SPAG16: variants seen among roughly 807,000 people sequenced by gnomAD.
The protein encoded by SPAG16 is sperm-associated antigen 16 protein.
In SPAG16, 86 loss-of-function variants were observed where a neutral mutation model predicts 80.4. That is an observed-to-expected ratio of 1.07 (90% confidence interval 0.90 to 1.28). SPAG16 has a LOEUF of 1.28. Ranked by LOEUF, SPAG16 falls within the 50% of genes most tolerant of loss-of-function variation. The pLI is 0.00. For synonymous variants in SPAG16, 294 were observed against 265.9 expected (o/e 1.11, Z -1.03); for missense variants, 870 against 765.3 (o/e 1.14, Z -1.61).
chr2:214,102,368 A>C (rs2193788), intron 13 of SPAG16, among the ~76,000 whole-genome samples: 47,095 of 151,746 alleles, frequency 0.31, 7,722 homozygotes, highest in South Asian at 0.39. Flanking sequence ...CCTATTTGTC[A>C]AGTATTGGCA....
At chr2:214,101,701 GAA>G (rs1208722837) in intron 13 of SPAG16, among the ~76,000 whole-genome samples, 1 of 152,120 alleles carries the variant, frequency 6.6e-6, no homozygotes, top group African/African-American at 2.4e-5. Context: ...GGCAAAACTG[GAA>G]AAGTGTCATG....
At chr2:213,827,354 T>G (rs2073367234) in intron 10 of SPAG16, among the ~76,000 whole-genome samples, 1 of 152,110 alleles carries the variant, frequency 6.6e-6, no homozygotes. Context: ...TGTTTTTAGA[T>G]TTGAGGTTAC....
chr2:213,392,306 C>T (rs920815001), intron 9 of SPAG16, among the ~76,000 whole-genome samples: 3 of 152,162 alleles, frequency 2.0e-5, no homozygotes, highest in African/African-American at 7.2e-5. Flanking sequence ...TTCTTTGCAG[C>T]TATTATTATT....
At chr2:214,099,160 G>C (rs966546107) in intron 13 of SPAG16, among the ~76,000 whole-genome samples, 1 of 152,064 alleles carries the variant, frequency 6.6e-6, no homozygotes, top group African/African-American at 2.4e-5. Flanking sequence ...TTTATAACTA[G>C]TTCTGGTGCT....
chr2:213,511,096 TAATATA>T (rs1228742238), intron 10 of SPAG16, among the ~76,000 whole-genome samples: 2 of 152,164 alleles, frequency 1.3e-5, no homozygotes, highest in Non-Finnish European at 2.9e-5. Flanking sequence ...AGTAAAATAT[TAATATA>T]AAGTTCTTGA....
intron 9 of SPAG16, among the ~76,000 whole-genome samples, chr2:213,431,686 G>C (rs1191822683): frequency 6.6e-6 from 1 of 151,982 alleles, no homozygotes; most frequent in African/African-American, 2.4e-5. Flanking sequence ...ACACTATAAA[G>C]ATTATAGAGA....
At chr2:213,634,617 T>C (rs1362086166) in intron 10 of SPAG16, among the ~76,000 whole-genome samples, 1 of 152,144 alleles carries the variant, frequency 6.6e-6, no homozygotes, top group Non-Finnish European at 1.5e-5. Context: ...GTTTATTATT[T>C]CGATAGTTTT....
chr2:213,482,067 G>A (rs1438717639), intron 9 of SPAG16, among the ~76,000 whole-genome samples: 1 of 152,094 alleles, frequency 6.6e-6, no homozygotes, highest in Non-Finnish European at 1.5e-5. Context: ...TGAAATTTTG[G>A]TGTCTGCACA....
At chr2:213,478,268 G>T (rs1409381589) in intron 9 of SPAG16, among the ~76,000 whole-genome samples, 1 of 152,158 alleles carries the variant, frequency 6.6e-6, no homozygotes, top group African/African-American at 2.4e-5. Flanking sequence ...GTCATATAAA[G>T]ATAGAAGAAT....
intron 13 of SPAG16, among the ~76,000 whole-genome samples, chr2:214,095,255 T>C (rs1023096323): frequency 4.6e-5 from 7 of 152,084 alleles, no homozygotes; most frequent in African/African-American, 1.7e-4. Context: ...TTGTTTTTTA[T>C]CTTTTTTCCC....
At chr2:213,730,247 G>A (rs1463790255) in intron 10 of SPAG16, among the ~76,000 whole-genome samples, 1 of 152,182 alleles carries the variant, frequency 6.6e-6, no homozygotes. Context: ...CTCAGTTAAG[G>A]AAGAAACTGC....
intron 8 of SPAG16, among the ~76,000 whole-genome samples, chr2:213,367,122 CT>C (rs1433795024): frequency 1.3e-5 from 2 of 152,088 alleles, no homozygotes; most frequent in Non-Finnish European, 2.9e-5. Context: ...TGAACTCATC[CT>C]TTTTTATGGT....
chr2:214,051,209 G>A (rs1320323778), intron 13 of SPAG16, among the ~76,000 whole-genome samples: 2 of 152,202 alleles, frequency 1.3e-5, no homozygotes, highest in Non-Finnish European at 2.9e-5. Context: ...GCTAATGCTA[G>A]TGTTTTACAT....
At chr2:213,623,190 A>T (rs1209317780) in intron 10 of SPAG16, among the ~76,000 whole-genome samples, 2 of 152,226 alleles carry the variant, frequency 1.3e-5, no homozygotes, top group Non-Finnish European at 2.9e-5. Flanking sequence ...TTGATTGCTC[A>T]TGTAAAATCA....
intron 12 of SPAG16, among the ~76,000 whole-genome samples, chr2:213,974,741 A>C (rs987385191): frequency 2.6e-5 from 4 of 152,046 alleles, no homozygotes; most frequent in African/African-American, 9.7e-5. Context: ...CTGTCAGTTA[A>C]GTACCATTTT....
Position 213,497,845 on chromosome 2 carries a change from T to C in SPAG16, c.1070+7755T>C, listed in dbSNP as rs567102057. On this transcript the variant is annotated intron_variant, in intron 10 of 15. Coordinates refer to ENST00000331683, the MANE Select transcript of SPAG16 (RefSeq NM_024532.5). ...CTTTTTCTGGAGTATATTATTATGG[T>C]AAGGCAGGTCTATTTCCATGGACTG... Among the ~76,000 whole-genome samples the C allele has an allele frequency of 7.9e-5, 12 of 152,250 alleles. No individual in the cohort carries two copies. The South Asian group carries it at 2.5e-3, about 32-fold the overall frequency.
intron 15 of SPAG16, among the ~76,000 whole-genome samples, chr2:214,284,990 C>T (rs540534759): frequency 7.2e-5 from 11 of 152,128 alleles, no homozygotes; most frequent in African/African-American, 2.7e-4. Flanking sequence ...GGATTTATCC[C>T]CAAAAGTGAG....
intron 15 of SPAG16, among the ~76,000 whole-genome samples, chr2:214,271,841 A>AC (rs1692038528): frequency 1.9e-4 from 24 of 123,524 alleles, no homozygotes; most frequent in African/African-American, 3.5e-4. Context: ...AACTGTGGGA[A>AC]ACCCCCCCCC....
chr2:213,878,210 C>G (rs184780010), intron 11 of SPAG16, among the ~76,000 whole-genome samples: 2 of 151,900 alleles, frequency 1.3e-5, no homozygotes, highest in Non-Finnish European at 2.9e-5. Flanking sequence ...GTGAGATTGC[C>G]GGATTGAATG....
Sources: gnomAD v4.1 joint callset for allele counts (sites outside exome capture counted in the v4.1 genomes callset) on GRCh38, gnomAD v4.1.1 for gene constraint, MANE v1.5 for transcripts, NCBI Gene and HGNC (gene_info 2026-07-23, HGNC 2026-07-21) for gene names.